TJP2: variants seen among roughly 807,000 people sequenced by gnomAD.
The protein encoded by TJP2 is Friedreich ataxia region gene X104 (tight junction protein ZO-2).
TJP2 carries 91 observed loss-of-function variants against 133.1 expected under a neutral mutation model. The observed-to-expected ratio is 0.68, with a 90% CI of 0.58 to 0.81. The LOEUF is 0.81. Among genes scored for constraint, TJP2 ranks in the 40% least tolerant of loss-of-function variants. TJP2 has a pLI of 0.00. For missense variants in TJP2, 1,541 were observed against 1,565.6 expected (o/e 0.98, Z 0.26); for synonymous variants, 592 against 583.4 (o/e 1.01, Z -0.21).
intron 2 of TJP2, among the ~76,000 whole-genome samples, chr9:69,168,510 G>T (rs1047849477): frequency 1.6e-4 from 24 of 152,160 alleles, no homozygotes; most frequent in African/African-American, 5.5e-4. Flanking sequence ...AAGTGATCAT[G>T]AGGGCAGGAC....
At chr9:69,187,678 C>G (rs902963288) in intron 1 of TJP2, among the ~76,000 whole-genome samples, 2 of 152,152 alleles carry the variant, frequency 1.3e-5, no homozygotes, top group African/African-American at 4.8e-5. Context: ...GGTCTAAACC[C>G]ACTGGCCTGG....
chr9:69,182,396 A>G (rs1006368012), intron 1 of TJP2, among the ~76,000 whole-genome samples: 2 of 152,236 alleles, frequency 1.3e-5, no homozygotes, highest in Admixed American at 6.5e-5. Context: ...GTGGCAACAC[A>G]TTGAAATGAA....
intron 5 of TJP2, among the ~76,000 whole-genome samples, chr9:69,224,191 C>T (rs190367734): frequency 6.6e-6 from 1 of 152,298 alleles, no homozygotes; most frequent in East Asian, 1.9e-4. Flanking sequence ...TAGTTGAATG[C>T]TTTATTAATT....
At chr9:69,181,692 A>G (rs987902541) in intron 1 of TJP2, among the ~76,000 whole-genome samples, 1 of 152,188 alleles carries the variant, frequency 6.6e-6, no homozygotes, top group South Asian at 2.1e-4. Flanking sequence ...TTCTCATCTT[A>G]AAATGTTTTT....
intron 1 of TJP2, among the ~76,000 whole-genome samples, chr9:69,193,129 T>C (rs1826318023): frequency 6.6e-6 from 1 of 152,126 alleles, no homozygotes; most frequent in African/African-American, 2.4e-5. Flanking sequence ...TTGCCCAGGC[T>C]GGTCTTGAAC....
intron 6 of TJP2, 62 bp from the exon 7 acceptor site, chr9:69,225,960 T>C (rs1829312930): frequency 3.8e-6 from 6 of 1,577,318 alleles, no homozygotes; most frequent in Admixed American, 1.7e-5. Context: ...AAGGGGAAAA[T>C]ATGAATTTTC....
chr9:69,192,118 A>AC (rs1180670801), intron 1 of TJP2, among the ~76,000 whole-genome samples: 1 of 151,984 alleles, frequency 6.6e-6, no homozygotes, highest in Admixed American at 6.6e-5. Flanking sequence ...TATTAGAAAC[A>AC]CCCCTCATTT....
rs919421019 is a variant in TJP2 at position 69,190,881 on chromosome 9, C to T, written c.60+16449C>T. On this transcript the variant is annotated intron_variant, in intron 1 of 22. Transcript: ENST00000377245. Reference sequence around the variant, plus strand: ...GTTATGTAAGTATCTATATGATCTCCGTGATTTTGCCTCTTGTAGTGGCAA... The same window carrying T: ...GTTATGTAAGTATCTATATGATCTCTGTGATTTTGCCTCTTGTAGTGGCAA... Among the ~76,000 whole-genome samples, 4 of 152,194 alleles carry T rather than the reference C, an allele frequency of 2.6e-5. No homozygotes were observed. The East Asian group carries it at 5.8e-4, about 22-fold the overall frequency.
In TJP2 at chr9:69,236,217, G is replaced by C. The variant is rs1464613749; in HGVS notation, c.1970G>C (p.Gly657Ala). 6.2e-7 allele frequency: 1 copy of C among 1,614,044 alleles called. No individual in the cohort carries two copies. ...AVRIGNELEK[G>A]LIPNKSRAEQ... is the part of the protein sequence containing the mutation. ...AGGATTGGGAACGAGTTGGAGAAAGGCTTAATCCCCAACAAGAGCAGGTAA... is the reference window on the plus strand; with the variant it reads ...AGGATTGGGAACGAGTTGGAGAAAGCCTTAATCCCCAACAAGAGCAGGTAA... The change falls in exon 13 of 23, where the codon GGC becomes GCC. Residue 657 changes from glycine (G) to alanine (A), a missense_variant. Gly to Ala is a moderately conservative substitution (Grantham distance 60). Transcript: ENST00000377245.
In TJP2 at chr9:69,228,100, A is replaced by G. The variant is rs865914431; in HGVS notation, c.1439A>G (p.Gln480Arg). Reference sequence around the variant, plus strand: ...GAGACCAACAAGGAACCCAGATACCAAGAGGACCCCCCAGGTGAGCCATTA... The same window carrying G: ...GAGACCAACAAGGAACCCAGATACCGAGAGGACCCCCCAGGTGAGCCATTA... ...VPETNKEPRYQEDPPAPQPKA... is the reference protein window; with the variant it reads ...VPETNKEPRYREDPPAPQPKA... Residue 480 changes from glutamine to arginine, a missense_variant, in exon 9 of 23, where the codon CAA (glutamine) becomes CGA (arginine). Coordinates refer to ENST00000377245, the MANE Select transcript of TJP2 (RefSeq NM_004817.4). 4.3e-6 allele frequency: 7 copies of G among 1,610,906 alleles called. No homozygotes were observed. In the Middle Eastern group the frequency reaches 9.9e-4, roughly 228 times the overall value.
At position 69,205,348 on chromosome 9, in the gene TJP2, C is replaced by G. The variant is rs141082436; in HGVS notation, c.61-7200C>G. The G allele has an allele frequency of 1.8e-4, 266 of 1,501,686 alleles. 1 individual carries two copies. The highest frequency in any genetic ancestry group is 6.9e-4 in the Middle Eastern group (4 of 5,798). 93.0% of individuals were successfully genotyped at this position (1,501,686 alleles called of 1,614,324 possible). On this transcript the variant is annotated intron_variant, in intron 1 of 22. Transcript: ENST00000377245. ...TTTATCCTCAGATTGATTTGTGCTT[C>G]TGGCATCTTTCAGCAACAAATTGTG...
At chr9:69,183,055 C>T (rs781766990) in intron 1 of TJP2, among the ~76,000 whole-genome samples, 229 of 152,118 alleles carry the variant, frequency 1.5e-3, no homozygotes, top group Non-Finnish European at 2.7e-3. Context: ...CCTCAGCCTC[C>T]CAAAGTGCTG....
At chr9:69,189,833 C>A (rs1826093286) in intron 1 of TJP2, among the ~76,000 whole-genome samples, 1 of 110,796 alleles carries the variant, frequency 9.0e-6, no homozygotes, top group Non-Finnish European at 2.0e-5. Flanking sequence ...CTGGGCCAGG[C>A]ACGGTGGCTC....
chr9:69,237,238 G>C, intron 14 of TJP2, 102 bp downstream of exon 14: 2 of 1,392,798 alleles, frequency 1.4e-6, no homozygotes, highest in Non-Finnish European at 1.0e-6. Context: ...ATGTATGTCA[G>C]TTATGCCAAA....
intron 1 of TJP2, among the ~76,000 whole-genome samples, chr9:69,148,074 G>A (rs371693514): frequency 1.3e-5 from 2 of 151,696 alleles, no homozygotes; most frequent in Non-Finnish European, 2.9e-5. Flanking sequence ...ACAGGCATGC[G>A]CCACCACGTC....
upstream of TJP2, among the ~76,000 whole-genome samples, chr9:69,170,364 G>C (rs1011707737): frequency 2.6e-5 from 4 of 151,106 alleles, no homozygotes; most frequent in African/African-American, 9.7e-5. Flanking sequence ...GTGTTTTTTT[G>C]TTGATAATTA....
chr9:69,198,643 A>G (rs928392503), intron 1 of TJP2, among the ~76,000 whole-genome samples: 10 of 152,228 alleles, frequency 6.6e-5, no homozygotes, highest in Admixed American at 2.0e-4. Flanking sequence ...AAACTTGGTC[A>G]TAAGCAAGCT....
intron 17 of TJP2, among the ~76,000 whole-genome samples, chr9:69,245,741 C>T (rs1830879615): frequency 6.6e-6 from 1 of 152,116 alleles, no homozygotes; most frequent in African/African-American, 2.4e-5. Context: ...TTTGTGTAGT[C>T]GTGAAATGAG....
chr9:69,138,469 CA>C (rs797015130), intron 1 of TJP2, among the ~76,000 whole-genome samples: 2,216 of 88,190 alleles, frequency 0.025, 41 homozygotes, highest in African/African-American at 0.067. Flanking sequence ...GAGAACTTTA[CA>C]AAAAAAAAAA....
Sources: allele counts gnomAD v4.1 joint callset (sites outside exome capture counted in the v4.1 genomes callset), GRCh38; gene constraint gnomAD v4.1.1; transcripts MANE v1.5; gene names NCBI Gene and HGNC (gene_info 2026-07-23, HGNC 2026-07-21).